AFG1L: variants seen among roughly 807,000 people sequenced by gnomAD.
AFG1L encodes the protein AFG1 like ATPase, also known as AFG1-like ATPase.
AFG1L carries 53 observed loss-of-function variants against 62.2 expected under a neutral mutation model. The ratio of observed to expected loss-of-function variants is 0.85; its 90% CI spans 0.68 to 1.07. The LOEUF is 1.07. Ranked by LOEUF, AFG1L falls within the 50% of genes least tolerant of loss-of-function variation. The pLI is 0.00. For synonymous variants in AFG1L, 228 were observed against 210.3 expected, an observed-to-expected ratio of 1.08 and a Z score of -0.73; for missense variants, 555 against 590.5, an observed-to-expected ratio of 0.94 and a Z score of 0.62.
chr6:108,504,347 C>A (rs867674770), intron 10 of AFG1L, among the ~76,000 whole-genome samples: 2 of 152,070 alleles, frequency 1.3e-5, no homozygotes, highest in Non-Finnish European at 2.9e-5. Context: ...ATTAATTGAC[C>A]TAATTTTAAT....
chr6:108,313,041 A>G (rs1391697945), intron 1 of AFG1L, among the ~76,000 whole-genome samples: 1 of 152,194 alleles, frequency 6.6e-6, no homozygotes, highest in Non-Finnish European at 1.5e-5. Flanking sequence ...CCTTTTGAAG[A>G]GTATCGGGGA....
At chr6:108,322,383 G>C (rs755408137) in intron 1 of AFG1L, among the ~76,000 whole-genome samples, 2 of 152,158 alleles carry the variant, frequency 1.3e-5, no homozygotes, top group African/African-American at 2.4e-5. Flanking sequence ...ACTCCAGTTA[G>C]AGAGAAGGGA....
chr6:108,522,042 A>C, intron 12 of AFG1L: 1 of 261,512 alleles, frequency 3.8e-6, no homozygotes. Flanking sequence ...GCCATTACTT[A>C]TTTCTGGTGT....
chr6:108,492,980 C>T (rs1204838141), intron 10 of AFG1L, among the ~76,000 whole-genome samples: 7 of 151,904 alleles, frequency 4.6e-5, no homozygotes, highest in South Asian at 2.1e-4. Context: ...ACATTTGTAA[C>T]GGCATGTTTT....
rs780217981 is a variant in AFG1L, at chr6:108,447,245, G to T, written c.839G>T (p.Gly280Val). 6.2e-7 allele frequency: 1 copy of T among 1,607,936 alleles called. No individual in the cohort carries two copies. The highest frequency in any genetic ancestry group is 8.5e-7 in the Non-Finnish European group (1 of 1,174,726). The change falls in exon 8 of 13, where the codon GGG becomes GTG. Residue 280 changes from glycine (G) to valine (V), a missense_variant. Gly to Val is a moderately radical substitution (Grantham distance 109). Coordinates refer to ENST00000368977, the MANE Select transcript of AFG1L (RefSeq NM_145315.5). ...EYCNTVQLDS[G>V]IDYRKRELPA... The stretch of plus-strand genomic sequence containing the variant: ...TGTAATACAGTCCAGCTAGATTCTG[G>T]GATAGATTACCGGAAAAGGGAACTT...
chr6:108,345,358 TATTG>T (rs1228455659), intron 2 of AFG1L, among the ~76,000 whole-genome samples: 4 of 152,112 alleles, frequency 2.6e-5, no homozygotes, highest in Non-Finnish European at 4.4e-5. Flanking sequence ...CTTTTATTTT[TATTG>T]ATTGATTGAT....
chr6:108,504,416 C>T (rs1241418547), intron 10 of AFG1L, among the ~76,000 whole-genome samples: 1 of 152,158 alleles, frequency 6.6e-6, no homozygotes. Context: ...GGGGGAACAG[C>T]CAGTGGTGGA....
At chr6:108,510,445 C>CACT in intron 11 of AFG1L, 93 bp downstream of exon 11, 1 of 880,870 alleles carries the variant, frequency 1.1e-6, no homozygotes, top group Non-Finnish European at 1.7e-6. Context: ...ATACTTCTAT[C>CACT]ACTTACTGCA....
chr6:108,352,011 G>T (rs1259157122), intron 3 of AFG1L, among the ~76,000 whole-genome samples: 1 of 152,058 alleles, frequency 6.6e-6, no homozygotes, highest in Non-Finnish European at 1.5e-5. Flanking sequence ...TAATTCAGTA[G>T]TATTGTCTGT....
chr6:108,500,627 C>T (rs897344204), intron 10 of AFG1L, among the ~76,000 whole-genome samples: 10 of 152,158 alleles, frequency 6.6e-5, no homozygotes, highest in African/African-American at 1.4e-4. Flanking sequence ...TTTTGATAAA[C>T]GTGAGTGCAG....
intron 1 of AFG1L, among the ~76,000 whole-genome samples, chr6:108,306,662 G>T (rs941509259): frequency 1.3e-5 from 2 of 152,142 alleles, no homozygotes; most frequent in Non-Finnish European, 2.9e-5. Flanking sequence ...CATGCAGGAT[G>T]CTGGGATGTA....
chr6:108,517,312 C>A (rs1443535629), intron 11 of AFG1L, among the ~76,000 whole-genome samples: 4 of 152,080 alleles, frequency 2.6e-5, no homozygotes, highest in African/African-American at 9.7e-5. Flanking sequence ...GAGATATAGA[C>A]CAATGGAACA....
intron 8 of AFG1L, among the ~76,000 whole-genome samples, chr6:108,471,617 G>A (rs369818705): frequency 2.0e-5 from 3 of 151,496 alleles, no homozygotes; most frequent in East Asian, 3.9e-4. Context: ...CCGCCACCAT[G>A]CCCTGTTAAG....
chr6:108,425,250 G>A (rs1011041833), intron 7 of AFG1L, among the ~76,000 whole-genome samples: 1 of 152,082 alleles, frequency 6.6e-6, no homozygotes, highest in South Asian at 2.1e-4. Context: ...GGTTACACAT[G>A]GTAGACATTT....
chr6:108,321,427 C>T (rs930189477), intron 1 of AFG1L, among the ~76,000 whole-genome samples: 1 of 152,190 alleles, frequency 6.6e-6, no homozygotes, highest in Non-Finnish European at 1.5e-5. Flanking sequence ...TCTCTAACCC[C>T]ACCTTCCTGG....
chr6:108,436,892 G>A (rs1771336511), intron 7 of AFG1L, among the ~76,000 whole-genome samples: 3 of 152,160 alleles, frequency 2.0e-5, no homozygotes, highest in Admixed American at 2.0e-4. Flanking sequence ...CACATGGTAA[G>A]CCCTTATACC....
chr6:108,522,087 C>A lies in AFG1L; in HGVS notation c.1318-210C>A. 3 of 338,226 alleles carry A rather than the reference C, an allele frequency of 8.9e-6. No individual in the cohort carries two copies. The South Asian group carries it at 1.6e-4, about 18-fold the overall frequency. 21.0% of individuals were successfully genotyped at this position (338,226 alleles called of 1,614,324 possible). On this transcript the variant is annotated intron_variant, in intron 12 of 12. Coordinates refer to ENST00000368977, the MANE Select transcript of AFG1L (RefSeq NM_145315.5). ...GAGAAAGTTTTCCCTTTTAAGTTTT[C>A]TCTCTGATAATTTGATGTGTTTACT...
intron 3 of AFG1L, among the ~76,000 whole-genome samples, chr6:108,351,825 A>G (rs1779091395): frequency 6.6e-6 from 1 of 150,710 alleles, no homozygotes; most frequent in African/African-American, 2.4e-5. Flanking sequence ...TATTACCACC[A>G]TCCATTTTCA....
intron 6 of AFG1L, among the ~76,000 whole-genome samples, chr6:108,374,951 TC>T (rs1780179038): frequency 1.3e-5 from 2 of 152,222 alleles, no homozygotes; most frequent in Non-Finnish European, 2.9e-5. Flanking sequence ...CATAGATTCT[TC>T]CAATCCATGA....
Sources: allele counts gnomAD v4.1 joint callset (sites outside exome capture counted in the v4.1 genomes callset), GRCh38; gene constraint gnomAD v4.1.1; transcripts MANE v1.5; gene names NCBI Gene and HGNC (gene_info 2026-07-23, HGNC 2026-07-21).